SLC9C1: variants seen among roughly 807,000 people sequenced by gnomAD.
The protein encoded by SLC9C1 is solute carrier family 9 member C1.
A neutral mutation model predicts 140.9 loss-of-function variants in SLC9C1; 97 were observed. That is an observed-to-expected ratio of 0.69 (90% CI 0.58 to 0.82). The LOEUF is 0.82. Ranked by LOEUF, SLC9C1 falls within the 40% of genes least tolerant of loss-of-function variation. SLC9C1 has a pLI of 0.00. For missense variants in SLC9C1, 1,340 were observed against 1,389.3 expected (o/e 0.96, Z 0.56); for synonymous variants, 440 against 442.6 (o/e 0.99, Z 0.07).
At chr3:112,215,315 C>G (rs1232567664) in intron 15 of SLC9C1, among the ~76,000 whole-genome samples, 1 of 152,208 alleles carries the variant, frequency 6.6e-6, no homozygotes, top group Non-Finnish European at 1.5e-5. Context: ...GGGATGCCCT[C>G]TCTCACCATT....
At chr3:112,187,406 G>A (rs1314917696) in intron 20 of SLC9C1, among the ~76,000 whole-genome samples, 1 of 152,132 alleles carries the variant, frequency 6.6e-6, no homozygotes, top group Non-Finnish European at 1.5e-5. Flanking sequence ...TGAAATTACA[G>A]ACTGGACCAT....
intron 9 of SLC9C1, 40 bp downstream of exon 9, chr3:112,264,156 TACTC>T: frequency 1.2e-6 from 1 of 863,888 alleles, no homozygotes; most frequent in South Asian, 4.4e-5. Flanking sequence ...CCTTCAAACT[TACTC>T]AATTATCTAT....
intron 2 of SLC9C1, among the ~76,000 whole-genome samples, chr3:112,283,967 T>G (rs527764018): frequency 2.0e-4 from 30 of 152,130 alleles, no homozygotes; most frequent in Admixed American, 1.5e-3. Flanking sequence ...AAGCACAAAG[T>G]GCATAGTAGT....
intron 26 of SLC9C1, among the ~76,000 whole-genome samples, chr3:112,163,559 A>C (rs2075371124): frequency 6.6e-6 from 1 of 152,040 alleles, no homozygotes; most frequent in Non-Finnish European, 1.5e-5. Context: ...CAGGTTGTTC[A>C]GTTTCCATAT....
intron 15 of SLC9C1, among the ~76,000 whole-genome samples, chr3:112,211,832 C>T (rs574194092): frequency 1.3e-5 from 2 of 152,320 alleles, no homozygotes; most frequent in South Asian, 4.1e-4. Context: ...CTTAAATGTC[C>T]CTGCCTGACA....
At chr3:112,278,432 T>C (rs915847442) in intron 4 of SLC9C1, among the ~76,000 whole-genome samples, 2 of 152,208 alleles carry the variant, frequency 1.3e-5, no homozygotes, top group Admixed American at 6.5e-5. Flanking sequence ...CTGGAGCTAA[T>C]ACACTTTCTC....
chr3:112,259,027 G>A (rs1217046040), intron 10 of SLC9C1, among the ~76,000 whole-genome samples: 2 of 152,006 alleles, frequency 1.3e-5, no homozygotes, highest in Admixed American at 6.6e-5. Context: ...ATCCAGTCAC[G>A]AGGTCCCTCC....
chr3:112,185,537 G>A (rs185141269), intron 20 of SLC9C1: 6 of 1,613,188 alleles, frequency 3.7e-6, no homozygotes, highest in African/African-American at 2.7e-5. Flanking sequence ...CAGGGGCCCC[G>A]TCAGGCGATC....
rs374045766 is a variant in SLC9C1 at position 112,282,730 on chromosome 3, A to G, written c.89-1947T>C. Among the ~76,000 whole-genome samples, 16 of 152,192 alleles carry G rather than the reference A, an allele frequency of 1.1e-4. No homozygotes were observed. In the East Asian group the frequency reaches 1.9e-3, roughly 18 times the overall value. On this transcript the variant is annotated intron_variant, in intron 2 of 28. Coordinates refer to ENST00000305815, the MANE Select transcript of SLC9C1 (RefSeq NM_183061.3). ...CTCTCAGTTCTTTCGGATGGACTAAATAGCTGGTATCATCCCTTAGAAAAG... is the reference window on the plus strand; with the variant it reads ...CTCTCAGTTCTTTCGGATGGACTAAGTAGCTGGTATCATCCCTTAGAAAAG...
intron 7 of SLC9C1, 134 bp from the exon 8 acceptor site, chr3:112,266,474 G>C: frequency 1.6e-6 from 1 of 634,868 alleles, no homozygotes; most frequent in South Asian, 2.5e-5. Context: ...CTTGATTTCA[G>C]CTGAAAAATA....
At chr3:112,281,237 C>T (rs1263703714) in intron 2 of SLC9C1, among the ~76,000 whole-genome samples, 1 of 152,160 alleles carries the variant, frequency 6.6e-6, no homozygotes, top group African/African-American at 2.4e-5. Context: ...TCATTTTCCT[C>T]CTGTTTTCAC....
Position 112,208,299 on chromosome 3 carries a change from A to C in SLC9C1, c.1865T>G (p.Leu622Ter). ...GATTATAAAGGGAAATATATTCATT[A>C]ATATCACAAGGTATCCAACATGTTC... ...EFEHVGYLVI[L>*]MNIFPFIISW... Residue 622 changes from leucine (L) to a stop codon, truncating the protein, a stop_gained, in exon 16 of 29, where the codon TTA (leucine) becomes TGA (stop). Transcript: ENST00000305815. LOFTEE classifies it high-confidence loss of function. The C allele has an allele frequency of 6.2e-7, 1 of 1,610,000 alleles. No individual in the cohort carries two copies. Among genetic ancestry groups the C allele is most frequent in the Non-Finnish European group, 8.5e-7 (1 of 1,177,074 alleles).
intron 13 of SLC9C1, among the ~76,000 whole-genome samples, chr3:112,224,625 A>G (rs1471457267): frequency 6.6e-6 from 1 of 151,948 alleles, no homozygotes; most frequent in Non-Finnish European, 1.5e-5. Flanking sequence ...GAACAGAAAT[A>G]TTGGAGCTAA....
intron 10 of SLC9C1, among the ~76,000 whole-genome samples, chr3:112,258,355 G>A (rs981948765): frequency 1.8e-4 from 27 of 152,164 alleles, no homozygotes; most frequent in African/African-American, 6.3e-4. Flanking sequence ...ATATGTATTA[G>A]TCCAGTCTCA....
chr3:112,240,237 A>G (rs899841946), intron 11 of SLC9C1, among the ~76,000 whole-genome samples: 1 of 152,238 alleles, frequency 6.6e-6, no homozygotes, highest in Non-Finnish European at 1.5e-5. Flanking sequence ...AGTGCTTACT[A>G]TATTCTGCAA....
intron 10 of SLC9C1, among the ~76,000 whole-genome samples, chr3:112,260,204 AT>A (rs1372898584): frequency 6.6e-6 from 1 of 151,736 alleles, no homozygotes; most frequent in Non-Finnish European, 1.5e-5. Context: ...CTTAGAACTT[AT>A]TTTTTTTCTT....
At chr3:112,222,216 C>T (rs374588671) in intron 13 of SLC9C1, among the ~76,000 whole-genome samples, 23 of 152,172 alleles carry the variant, frequency 1.5e-4, no homozygotes, top group African/African-American at 5.1e-4. Flanking sequence ...ATATGGATCT[C>T]GCGAAAGCTT....
chr3:112,224,943 G>T (rs2078643696), intron 13 of SLC9C1, among the ~76,000 whole-genome samples: 1 of 151,900 alleles, frequency 6.6e-6, no homozygotes. Context: ...AAGGAGAAGA[G>T]ATGGGAAAAG....
chr3:112,286,326 T>C (rs568599184), intron 2 of SLC9C1, among the ~76,000 whole-genome samples: 3 of 152,344 alleles, frequency 2.0e-5, no homozygotes, highest in East Asian at 3.9e-4. Flanking sequence ...GTTTATACCA[T>C]GTTCTTTTCT....
Sources: gnomAD v4.1 joint callset for allele counts (sites outside exome capture counted in the v4.1 genomes callset) on GRCh38, gnomAD v4.1.1 for gene constraint, MANE v1.5 for transcripts, NCBI Gene and HGNC (gene_info 2026-07-23, HGNC 2026-07-21) for gene names.